Variants in LRRC4C observed in about 807,000 individuals in gnomAD.
LRRC4C encodes leucine rich repeat containing 4C, also known as leucine-rich repeat-containing protein 4C.
Under a neutral mutation model 33.6 loss-of-function variants are expected in LRRC4C, and 5 were observed. The ratio of observed to expected loss-of-function variants is 0.15; its 90% confidence interval spans 0.08 to 0.31. The LOEUF is 0.31. LRRC4C is among the 10% of genes least tolerant of loss of function. LRRC4C has a pLI of 1.00. For missense variants in LRRC4C, 560 were observed against 796.7 expected (o/e 0.70, Z 3.58); for synonymous variants, 329 against 302.0 (o/e 1.09, Z -0.93).
chr11:40,758,949 A>G (rs1251063178), intron 2 of LRRC4C, among the ~76,000 whole-genome samples: 1 of 151,538 alleles, frequency 6.6e-6, no homozygotes, highest in African/African-American at 2.4e-5. Context: ...CTAATAATCA[A>G]TATCTCTTTT....
intron 1 of LRRC4C, among the ~76,000 whole-genome samples, chr11:41,115,840 T>C (rs1026329023): frequency 1.3e-5 from 2 of 152,080 alleles, no homozygotes; most frequent in African/African-American, 4.8e-5. Flanking sequence ...ATTGCAGCCT[T>C]GTTTCATTTT....
At chr11:40,782,923 T>A (rs1284253933) in intron 2 of LRRC4C, among the ~76,000 whole-genome samples, 2 of 152,184 alleles carry the variant, frequency 1.3e-5, no homozygotes, top group African/African-American at 2.4e-5. Flanking sequence ...TGTATGTGTG[T>A]GTATATGTGT....
At chr11:40,120,145 T>A (rs1855723426) in intron 6 of LRRC4C, among the ~76,000 whole-genome samples, 1 of 152,182 alleles carries the variant, frequency 6.6e-6, no homozygotes, top group Non-Finnish European at 1.5e-5. Flanking sequence ...CATCACTTTT[T>A]AAACAGCAGC....
chr11:40,508,324 C>A (rs1040545796), intron 3 of LRRC4C, among the ~76,000 whole-genome samples: 10 of 152,102 alleles, frequency 6.6e-5, no homozygotes, highest in Non-Finnish European at 1.3e-4. Context: ...GAATTTGTTA[C>A]TATTATAATA....
intron 3 of LRRC4C, among the ~76,000 whole-genome samples, chr11:40,447,966 G>C (rs1270174003): frequency 2.0e-5 from 3 of 152,128 alleles, no homozygotes; most frequent in African/African-American, 7.2e-5. Context: ...ACAGGTGCTT[G>C]CCACCATGGC....
intron 2 of LRRC4C, among the ~76,000 whole-genome samples, chr11:40,686,211 A>G (rs1355487732): frequency 1.3e-5 from 2 of 152,096 alleles, no homozygotes; most frequent in African/African-American, 4.8e-5. Context: ...TAACAATAAC[A>G]GTATCTACCA....
intron 2 of LRRC4C, among the ~76,000 whole-genome samples, chr11:40,865,992 A>C (rs1954347033): frequency 6.6e-6 from 1 of 151,934 alleles, no homozygotes; most frequent in African/African-American, 2.4e-5. Flanking sequence ...TTATTCTATT[A>C]AATTGTCTAT....
intron 1 of LRRC4C, among the ~76,000 whole-genome samples, chr11:41,259,136 G>A (rs1948894743): frequency 6.6e-6 from 1 of 151,938 alleles, no homozygotes; most frequent in Non-Finnish European, 1.5e-5. Context: ...GGCAGTGAGA[G>A]TTTATTTGAA....
intron 5 of LRRC4C, among the ~76,000 whole-genome samples, chr11:40,143,692 T>G (rs1453868326): frequency 6.6e-6 from 1 of 152,212 alleles, no homozygotes; most frequent in African/African-American, 2.4e-5. Flanking sequence ...TTATGTTGCT[T>G]AAAACATAAC....
intron 3 of LRRC4C, among the ~76,000 whole-genome samples, chr11:40,372,921 G>A (rs1283226140): frequency 6.6e-6 from 1 of 152,020 alleles, no homozygotes; most frequent in Non-Finnish European, 1.5e-5. Flanking sequence ...CAGATAATTT[G>A]GGATTTTTTT....
chr11:41,159,207 C>A (rs1238938841), intron 1 of LRRC4C, among the ~76,000 whole-genome samples: 1 of 152,104 alleles, frequency 6.6e-6, no homozygotes, highest in Non-Finnish European at 1.5e-5. Context: ...AGGAAGATTG[C>A]ATGAGCTTAG....
At chr11:41,120,445 G>A (rs1942363592) in intron 1 of LRRC4C, among the ~76,000 whole-genome samples, 1 of 152,056 alleles carries the variant, frequency 6.6e-6, no homozygotes, top group African/African-American at 2.4e-5. Context: ...GATTTATATG[G>A]ATTTCATTGC....
chr11:40,313,362 C>A (rs1945408213), intron 4 of LRRC4C, among the ~76,000 whole-genome samples: 1 of 151,778 alleles, frequency 6.6e-6, no homozygotes, highest in Non-Finnish European at 1.5e-5. Context: ...AATAGAGAAC[C>A]CAGAAATTAA....
At chr11:41,116,884 C>A (rs1942160378) in intron 1 of LRRC4C, among the ~76,000 whole-genome samples, 1 of 152,146 alleles carries the variant, frequency 6.6e-6, no homozygotes, top group Non-Finnish European at 1.5e-5. Context: ...GTAAAGTGTG[C>A]ATAAATTTTT....
chr11:41,291,279 T>C (rs757822520), intron 1 of LRRC4C, among the ~76,000 whole-genome samples: 4 of 152,128 alleles, frequency 2.6e-5, no homozygotes, highest in East Asian at 3.9e-4. Flanking sequence ...ATTAGATAGA[T>C]TGCTGTTTTA....
At chr11:41,020,882 G>A (rs1354524572) in intron 1 of LRRC4C, among the ~76,000 whole-genome samples, 2 of 151,944 alleles carry the variant, frequency 1.3e-5, no homozygotes, top group African/African-American at 4.8e-5. Context: ...TTCCTCTTCC[G>A]GGAATATTCT....
intron 1 of LRRC4C, among the ~76,000 whole-genome samples, chr11:41,209,871 T>C (rs1446424512): frequency 1.3e-5 from 2 of 151,836 alleles, no homozygotes; most frequent in Non-Finnish European, 2.9e-5. Context: ...AGTAATAGGG[T>C]TTAAAAGGGG....
chr11:41,275,110 C>T (rs190175807), intron 1 of LRRC4C, among the ~76,000 whole-genome samples: 1 of 152,252 alleles, frequency 6.6e-6, no homozygotes, highest in Admixed American at 6.5e-5. Context: ...ATGAGATAGG[C>T]CAGCTTACCC....
chr11:40,809,753 C>T (rs554773517), intron 2 of LRRC4C, among the ~76,000 whole-genome samples: 21 of 152,298 alleles, frequency 1.4e-4, no homozygotes, highest in South Asian at 4.1e-4. Context: ...TTGCCAGATC[C>T]TGGCATCATG....
Sources: gnomAD v4.1 joint callset for allele counts (sites outside exome capture counted in the v4.1 genomes callset) on GRCh38, gnomAD v4.1.1 for gene constraint, MANE v1.5 for transcripts, NCBI Gene and HGNC (gene_info 2026-07-23, HGNC 2026-07-21) for gene names.